PLOD3: variants seen among roughly 807,000 people sequenced by gnomAD.
The protein encoded by PLOD3 is procollagen-lysine,2-oxoglutarate 5-dioxygenase 3, also known as multifunctional procollagen lysine hydroxylase and glycosyltransferase LH3.
Under a neutral mutation model 96.9 loss-of-function variants are expected in PLOD3, and 73 were observed. The observed-to-expected ratio is 0.75, with a 90% confidence interval of 0.62 to 0.92. PLOD3 has a LOEUF of 0.92. Ranked by LOEUF, PLOD3 falls within the 40% of genes least tolerant of loss-of-function variation. The pLI is 0.00. For synonymous variants in PLOD3, 454 were observed against 413.7 expected, an observed-to-expected ratio of 1.10 and a Z score of -1.18; for missense variants, 1,004 against 1,004.3, an observed-to-expected ratio of 1.00 and a Z score of 0.00.
chr7:101,210,593 T>C lies in PLOD3; in HGVS notation c.1439A>G (p.Asp480Gly), dbSNP rs1798166388. ...GTCTGTGTCACTGCCCGAGAACACATCCCTCTGGGGCAGCTCCATCCGCAG... is the reference window on the plus strand; with the variant it reads ...GTCTGTGTCACTGCCCGAGAACACACCCCTCTGGGGCAGCTCCATCCGCAG... ...DTLRMELPQR[D>G]VFSGSDTDPD... The change falls in exon 13 of 19, where the codon GAT (aspartate) becomes GGT (glycine). Residue 480 changes from aspartate to glycine, a missense_variant. Around this residue, in one of 5 missense-constraint regions of PLOD3, gnomAD observed 690 missense variants for 650.2 expected, o/e 1.06. Transcript: ENST00000223127. 1.2e-6 allele frequency: 2 copies of C among 1,614,110 alleles called. No individual in the cohort carries two copies. The highest frequency in any genetic ancestry group is 2.7e-5 in the African/African-American group (2 of 75,032).
rs1798277832 is a variant in PLOD3 at position 101,216,519 on chromosome 7, C to T, written c.229G>A (p.Gly77Arg). Residue 77 changes from glycine to arginine, a missense_variant, in exon 3 of 19, where the codon GGG (glycine) becomes AGG (arginine). Coordinates refer to ENST00000223127, the MANE Select transcript of PLOD3 (RefSeq NM_001084.5). ...RTLGLGEEWR[G>R]GDVARTVGGG... ...CCAACTGTTCGAGCCACATCACCCC[C>T]TCGCCACTCCTCTCCCAGGCCCAGG... is the stretch of plus-strand genomic sequence containing the variant. The T allele has an allele frequency of 6.2e-7, 1 of 1,614,036 alleles. No homozygotes were observed. The highest frequency in any genetic ancestry group is 8.5e-7 in the Non-Finnish European group (1 of 1,180,040).
In PLOD3 at chr7:101,206,217, G is replaced by T; in HGVS notation, c.*64C>A. The T allele has an allele frequency of 6.5e-7, 1 of 1,529,444 alleles. No homozygotes were observed. The highest frequency in any genetic ancestry group is 9.1e-7 in the Non-Finnish European group (1 of 1,103,122). The allele number at this position is 1,529,444 out of a possible 1,614,324, so 94.7% of individuals were successfully genotyped here. On this transcript the variant is annotated 3_prime_UTR_variant, in exon 19 of 19. Coordinates refer to ENST00000223127, the MANE Select transcript of PLOD3 (RefSeq NM_001084.5). ...AGAGAGACCCATCCCCCAACTCCCAGGACGGGGGCCAGGCCCCCTAAAAAG... is the reference window on the plus strand; with the variant it reads ...AGAGAGACCCATCCCCCAACTCCCATGACGGGGGCCAGGCCCCCTAAAAAG...
At position 101,210,106 on chromosome 7, in the gene PLOD3, C is replaced by T; in HGVS notation, c.1670G>A (p.Gly557Glu). ...ENYSRALEGE[G>E]IVEQPCPDVY... ...GCGTGGGCTCACCTGCTCCACGATT[C>T]CTTCCCCTTCCAGGGCCCGGCTGTA... The change falls in exon 15 of 19, where the codon GGA (glycine) becomes GAA (glutamate). Residue 557 changes from glycine to glutamate, a missense_variant. Transcript: ENST00000223127. 1 of 1,599,930 alleles carries T rather than the reference C, an allele frequency of 6.3e-7. No homozygotes were observed.
Position 101,212,303 on chromosome 7 carries a change from G to C in PLOD3, c.1077C>G (p.Leu359=), listed in dbSNP as rs751555313. The stretch of plus-strand genomic sequence containing the variant: ...GGCTCAGAGCCTCCTCCGGCCCCAC[G>C]AGCTTCACAGCTGAGAAGTGGTCCT... ...QLQDHFSAVK[L]VGPEEALSPG... The change falls in exon 10 of 19, where the codon CTC becomes CTG. Residue 359 remains leucine, a synonymous_variant. Coordinates refer to ENST00000223127, the MANE Select transcript of PLOD3 (RefSeq NM_001084.5). 9 of 1,613,712 alleles carry C rather than the reference G, an allele frequency of 5.6e-6. No homozygotes were observed. The highest frequency in any genetic ancestry group is 1.7e-5 in the Admixed American group (1 of 59,984).
chr7:101,212,053 C>T (rs1270936489), intron 10 of PLOD3, 103 bp from the exon 11 acceptor site: 13 of 1,031,258 alleles, frequency 1.3e-5, no homozygotes, highest in Non-Finnish European at 1.8e-5. Context: ...CAGTGTCTAT[C>T]CTTCCTTCCC....
chr7:101,207,032 T>C, intron 17 of PLOD3, 128 bp from the exon 18 acceptor site: 3 of 1,160,854 alleles, frequency 2.6e-6, no homozygotes, highest in Non-Finnish European at 2.4e-6. Flanking sequence ...TGGTGCGATC[T>C]TGGCTCGATC....
chr7:101,211,514 C>G, intron 12 of PLOD3, 77 bp downstream of exon 12: 2 of 1,485,974 alleles, frequency 1.3e-6, no homozygotes, highest in Non-Finnish European at 9.1e-7. Context: ...CACTCCAAAC[C>G]CCTGAGAGTA....
rs779966878 is a variant in PLOD3 at position 101,216,454 on chromosome 7, C to T, written c.294G>A (p.Glu98=). The change falls in exon 3 of 19, where the codon GAG becomes GAA. Residue 98 remains glutamate, a synonymous_variant. Transcript: ENST00000223127. ...QKVRWLKKEM[E]KYADREDMII... is the part of the protein sequence containing the mutation. ...TCATATCCTCCCGGTCAGCGTATTT[C>T]TCCATTTCCTTCTTTAACCACCGGA... 9.3e-6 allele frequency: 15 copies of T among 1,614,052 alleles called. No homozygotes were observed. Among genetic ancestry groups the T allele is most frequent in the Non-Finnish European group, 1.2e-5 (14 of 1,180,028 alleles).
chr7:101,217,058 G>T (rs1033294881), intron 1 of PLOD3, 108 bp downstream of exon 1: 17 of 1,211,994 alleles, frequency 1.4e-5, no homozygotes, highest in Admixed American at 1.4e-4. Flanking sequence ...CACGCTGGGC[G>T]GGGGACGGGC....
At chr7:101,212,081 G>A (rs1798192339) in intron 10 of PLOD3, 131 bp from the exon 11 acceptor site, 1 of 1,052,638 alleles carries the variant, frequency 9.5e-7, no homozygotes, top group Admixed American at 1.9e-5. Flanking sequence ...TCTGCTGTCT[G>A]GGTGAGCTGG....
At chr7:101,216,386 G>T (rs771583693) in intron 3 of PLOD3, 24 bp downstream of exon 3, 8 of 1,613,674 alleles carry the variant, frequency 5.0e-6, no homozygotes, top group Non-Finnish European at 6.8e-6. Context: ...TCCTTACCCC[G>T]CTCCCTATCC....
chr7:101,213,418 A>C, intron 6 of PLOD3: 1 of 605,334 alleles, frequency 1.7e-6, no homozygotes, highest in Non-Finnish European at 3.0e-6. Flanking sequence ...ATCACACCGC[A>C]GCTGGGCGAG....
In PLOD3 at chr7:101,211,555, G is replaced by A. The variant is rs756495834; in HGVS notation, c.1358+36C>T. The A allele has an allele frequency of 5.0e-6, 8 of 1,585,846 alleles. No individual in the cohort carries two copies. In the South Asian group the frequency reaches 5.7e-5, roughly 11 times the overall value. On this transcript the variant is annotated intron_variant, in intron 12 of 18. Coordinates refer to ENST00000223127, the MANE Select transcript of PLOD3 (RefSeq NM_001084.5). ...CTTGGGTCTACCTGGGCCCCGGGTC[G>A]GAGGAGGCGGGGGGCTGCAGGCTGG...
At chr7:101,212,038 G>A (rs2116803530) in intron 10 of PLOD3, 88 bp from the exon 11 acceptor site, 1 of 1,059,806 alleles carries the variant, frequency 9.4e-7, no homozygotes, top group South Asian at 1.3e-5. Context: ...AGAAGAGGAG[G>A]GAGGCAGTGT....
intron 12 of PLOD3, 145 bp downstream of exon 12, chr7:101,211,446 G>A (rs573483607): frequency 1.3e-4 from 101 of 770,078 alleles, no homozygotes; most frequent in Middle Eastern, 7.7e-4. Flanking sequence ...CTCCCAAAGT[G>A]GTGGCATCAA....
chr7:101,217,185 G>T lies in PLOD3; in HGVS notation c.90C>A (p.Gly30=). The change falls in exon 1 of 19, where the codon GGC becomes GGA. Residue 30 remains glycine, a synonymous_variant. Transcript: ENST00000223127. ...TCTCACCTGGGTTGACCGGGTCTCG[G>T]CCCCGGGGCCGGTCGGAGGCTGAGG... ...PAASASDRPR[G]RDPVNPEKLL... The T allele has an allele frequency of 3.3e-6, 5 of 1,492,540 alleles. No homozygotes were observed. In the South Asian group the frequency reaches 6.4e-5, roughly 19 times the overall value. 92.5% of individuals were successfully genotyped at this position (1,492,540 alleles called of 1,614,324 possible).
Position 101,210,173 on chromosome 7 carries a change from T to TG in PLOD3, c.1615-13dup, listed in dbSNP as rs763197529. 3.6e-5 allele frequency: 57 copies of TG among 1,597,068 alleles called. No homozygotes were observed. Among genetic ancestry groups the TG allele is most frequent in the Middle Eastern group, 1.7e-4 (1 of 5,964 alleles). ...TGCTCCTTCCAGTCCTGTGAGAGGG[T>TG]GGGGGGCACATCAGATCTGTGCCCC... On this transcript the variant is annotated splice_polypyrimidine_tract_variant and intron_variant, in intron 14 of 18. Coordinates refer to ENST00000223127, the MANE Select transcript of PLOD3 (RefSeq NM_001084.5).
rs918757320 is a variant in PLOD3, at chr7:101,217,485, A to G, written c.-211T>C. 1.1e-5 allele frequency: 5 copies of G among 475,206 alleles called. No individual in the cohort carries two copies. The highest frequency in any genetic ancestry group is 1.8e-5 in the Non-Finnish European group (5 of 278,918). The allele number at this position is 475,206 out of a possible 1,614,324, so 29.4% of individuals were successfully genotyped here. On this transcript the variant is annotated 5_prime_UTR_variant, in exon 1 of 19. Transcript: ENST00000223127. The stretch of plus-strand genomic sequence containing the variant: ...TGCCGGCGCCACAGACAAGGCGAGG[A>G]TTGTCCCGGGCGCACGGGAGGCGGG...
intron 10 of PLOD3, 78 bp downstream of exon 10, chr7:101,212,175 A>T (rs1798193486): frequency 6.4e-7 from 1 of 1,570,404 alleles, no homozygotes; most frequent in African/African-American, 1.3e-5. Context: ...AGGTGAGGCA[A>T]GGGCCAGGCA....
Sources: gnomAD v4.1 joint callset for allele counts on GRCh38, gnomAD v4.1.1 for gene constraint, gnomAD v4.1.1 regional missense constraint, MANE v1.5 for transcripts, NCBI Gene and HGNC (gene_info 2026-07-23, HGNC 2026-07-21) for gene names.